Variants in MED28 observed in about 807,000 individuals in gnomAD.
MED28 encodes the protein mediator of RNA polymerase II transcription subunit 28.
A neutral mutation model predicts 21.3 loss-of-function variants in MED28; 26 were observed. The observed-to-expected ratio is 1.22, with a 90% CI of 0.89 to 1.69. MED28 has a LOEUF of 1.69. MED28 is among the 40% of genes most tolerant of loss of function. MED28 has a pLI of 0.00. For missense variants in MED28, 257 were observed against 215.4 expected (o/e 1.19, Z -1.21); for synonymous variants, 110 against 87.6 (o/e 1.26, Z -1.43).
At position 17,631,858 on chromosome 4, in the gene MED28, G is replaced by A. The variant is rs1448746816; in HGVS notation, c.*8060G>A. The stretch of plus-strand genomic sequence containing the variant: ...TTTTACATAGAAACAGCTTTCCAGT[G>A]GAGTTGACTAGCATCCTAAGGACAA... On this transcript the variant is annotated 3_prime_UTR_variant, in exon 4 of 4. Transcript: ENST00000237380. The A allele has an allele frequency of 6.6e-6, 1 of 151,974 alleles. No individual in the cohort carries two copies. The highest frequency in any genetic ancestry group is 1.5e-5 in the Non-Finnish European group (1 of 68,006). 9.4% of individuals were successfully genotyped at this position (151,974 alleles called of 1,614,324 possible).
Position 17,623,871 on chromosome 4 carries a change from T to C in MED28, c.*73T>C. The stretch of plus-strand genomic sequence containing the variant: ...TGGCCACACATTCCTTCCTGTGGAC[T>C]TGACATTTTGGAAGAACTCTTTGCC... On this transcript the variant is annotated 3_prime_UTR_variant, in exon 4 of 4. Transcript: ENST00000237380. 9.4e-6 allele frequency: 14 copies of C among 1,484,902 alleles called. No individual in the cohort carries two copies. The highest frequency in any genetic ancestry group is 1.4e-5 in the African/African-American group (1 of 71,774). 92.0% of individuals were successfully genotyped at this position (1,484,902 alleles called of 1,614,324 possible).
At chr4:17,621,542 C>G (rs771961556) in intron 2 of MED28, 45 bp from the exon 3 acceptor site, 1 of 1,281,768 alleles carries the variant, frequency 7.8e-7, no homozygotes, top group Non-Finnish European at 1.1e-6. Flanking sequence ...ATAAATGAGT[C>G]TGTTGTTTTT....
At chr4:17,619,115 A>G (rs1002855094) in intron 1 of MED28, among the ~76,000 whole-genome samples, 17 of 151,852 alleles carry the variant, frequency 1.1e-4, no homozygotes, top group South Asian at 4.2e-4. Flanking sequence ...TGCCTCCCCA[A>G]TCTCCCTGCC....
At chr4:17,618,207 C>T (rs1714515370) in intron 1 of MED28, among the ~76,000 whole-genome samples, 1 of 151,932 alleles carries the variant, frequency 6.6e-6, no homozygotes, top group South Asian at 2.1e-4. Flanking sequence ...CAGGGTTTCA[C>T]CACGTTGCCC....
At position 17,628,518 on chromosome 4, in the gene MED28, A is replaced by T. The variant is rs1468912640; in HGVS notation, c.*4720A>T. 6.6e-6 allele frequency: 1 copy of T among 152,028 alleles called. No homozygotes were observed. Among genetic ancestry groups the T allele is most frequent in the Non-Finnish European group, 1.5e-5 (1 of 68,022 alleles). The allele number at this position is 152,028 out of a possible 1,614,324, so 9.4% of individuals were successfully genotyped here. On this transcript the variant is annotated 3_prime_UTR_variant, in exon 4 of 4. Transcript: ENST00000237380. Reference sequence around the variant, plus strand: ...AATCCTAAAAGAGGTTCTTTGTGACACCCTCTGTCTGAGAAGTCCTATGGT... The same window carrying T: ...AATCCTAAAAGAGGTTCTTTGTGACTCCCTCTGTCTGAGAAGTCCTATGGT...
Position 17,632,535 on chromosome 4 carries a change from GA to G in MED28, c.*8740del. 1 of 1,549,442 alleles carries G rather than the reference GA, an allele frequency of 6.5e-7. No homozygotes were observed. On this transcript the variant is annotated 3_prime_UTR_variant, in exon 4 of 4. Coordinates refer to ENST00000237380, the MANE Select transcript of MED28 (RefSeq NM_025205.5). ...GTGATGTATCCCAAAGGTTAGCTTAGAAAGAAAAGTACTTGGTGAACCATTC... is the reference window on the plus strand; with the variant it reads ...GTGATGTATCCCAAAGGTTAGCTTAGAAGAAAAGTACTTGGTGAACCATTC...
rs756356088 is a variant in MED28, at chr4:17,623,841, G to C, written c.*43G>C. ...TTGGCCTATGAGTGGGCTGATGCGT[G>C]AGGTTGGCCACACATTCCTTCCTGT... is the stretch of plus-strand genomic sequence containing the variant. On this transcript the variant is annotated 3_prime_UTR_variant, in exon 4 of 4. Coordinates refer to ENST00000237380, the MANE Select transcript of MED28 (RefSeq NM_025205.5). 2 of 1,572,176 alleles carry C rather than the reference G, an allele frequency of 1.3e-6. No individual in the cohort carries two copies.
intron 1 of MED28, among the ~76,000 whole-genome samples, chr4:17,617,780 C>T (rs1047169345): frequency 4.6e-5 from 7 of 151,912 alleles, no homozygotes; most frequent in Non-Finnish European, 1.0e-4. Context: ...TGGTGGCACA[C>T]GCCTTAATCC....
chr4:17,621,877 G>A (rs1714646198), intron 3 of MED28, among the ~76,000 whole-genome samples, 178 bp downstream of exon 3: 1 of 152,194 alleles, frequency 6.6e-6, no homozygotes, highest in Non-Finnish European at 1.5e-5. Flanking sequence ...GTAAAGCCAA[G>A]GAGTGGGGTC....
In MED28 at chr4:17,632,062, T is replaced by A. The variant is rs1714967694; in HGVS notation, c.*8264T>A. On this transcript the variant is annotated 3_prime_UTR_variant, in exon 4 of 4. Transcript: ENST00000237380. ...ATGTCAATTTTTTTTTTTTTTTTTT[T>A]TTTTTTTTTTTTTTTTTTTTTTTTT... is the stretch of plus-strand genomic sequence containing the variant. 1 of 25,292 alleles carries A rather than the reference T, an allele frequency of 4.0e-5. No homozygotes were observed. The highest frequency in any genetic ancestry group is 1.4e-4 in the African/African-American group (1 of 7,106). The allele number at this position is 25,292 out of a possible 1,614,324, so 1.6% of individuals were successfully genotyped here.
At chr4:17,622,799 A>G (rs1328366644) in intron 3 of MED28, among the ~76,000 whole-genome samples, 1 of 152,240 alleles carries the variant, frequency 6.6e-6, no homozygotes, top group Non-Finnish European at 1.5e-5. Context: ...AGGCCTCACA[A>G]TCATGGCAGA....
chr4:17,621,322 TTTAAAGAAGATCTC>T (rs1714623161), intron 2 of MED28, among the ~76,000 whole-genome samples: 1 of 152,170 alleles, frequency 6.6e-6, no homozygotes, highest in Non-Finnish European at 1.5e-5. Context: ...GCATTGTCTT[TTTAAAGAAGATCTC>T]ATGGCTTTTA....
chr4:17,629,043 GC>G lies in MED28; in HGVS notation c.*5247del, dbSNP rs1714850040. On this transcript the variant is annotated 3_prime_UTR_variant, in exon 4 of 4. Coordinates refer to ENST00000237380, the MANE Select transcript of MED28 (RefSeq NM_025205.5). ...CTTTGAGGTCAGGAGTTCATGACCA[GC>G]CTGGCCAACATGGTGAAACCCTGTC... is the stretch of plus-strand genomic sequence containing the variant. 6.6e-6 allele frequency: 1 copy of G among 152,376 alleles called. No homozygotes were observed. Among genetic ancestry groups the G allele is most frequent in the East Asian group, 1.9e-4 (1 of 5,192 alleles). 9.4% of individuals were successfully genotyped at this position (152,376 alleles called of 1,614,324 possible). A position where few individuals can be genotyped will look rare whatever the true frequency, so the allele number is the denominator to read the frequency against.
intron 2 of MED28, 102 bp from the exon 3 acceptor site, chr4:17,621,485 A>G (rs778981563): frequency 3.5e-5 from 26 of 742,438 alleles, no homozygotes; most frequent in Middle Eastern, 3.9e-4. Context: ...TGAGTTGTCT[A>G]TGAGAGGGCT....
intron 1 of MED28, among the ~76,000 whole-genome samples, chr4:17,615,574 G>A (rs1415230817): frequency 3.3e-5 from 5 of 152,206 alleles, no homozygotes; most frequent in African/African-American, 1.2e-4. Flanking sequence ...CACTTTGGGA[G>A]GCCGAGGCTG....
At position 17,629,935 on chromosome 4, in the gene MED28, C is replaced by T. The variant is rs1714875240; in HGVS notation, c.*6137C>T. 1 of 152,148 alleles carries T rather than the reference C, an allele frequency of 6.6e-6. No homozygotes were observed. The highest frequency in any genetic ancestry group is 2.1e-4 in the South Asian group (1 of 4,828). 9.4% of individuals were successfully genotyped at this position (152,148 alleles called of 1,614,324 possible). A position where few individuals can be genotyped will look rare whatever the true frequency, so the allele number is the denominator to read the frequency against. On this transcript the variant is annotated 3_prime_UTR_variant, in exon 4 of 4. Transcript: ENST00000237380. ...GTTTGTGTCCTTAAATGCCTTACTT[C>T]AATACCCAAGGCATATGGCCTCAAT...
intron 1 of MED28, among the ~76,000 whole-genome samples, chr4:17,619,499 T>A (rs1338213587): frequency 6.6e-6 from 1 of 152,064 alleles, no homozygotes; most frequent in Non-Finnish European, 1.5e-5. Flanking sequence ...AGGGGCACAG[T>A]TTAGAAAGGG....
intron 1 of MED28, among the ~76,000 whole-genome samples, chr4:17,617,211 C>T (rs1714477334): frequency 6.6e-6 from 1 of 152,212 alleles, no homozygotes; most frequent in Non-Finnish European, 1.5e-5. Flanking sequence ...AGTCTTGTCT[C>T]ACGATTCAAT....
Position 17,632,328 on chromosome 4 carries a change from G to T in MED28, c.*8530G>T. On this transcript the variant is annotated 3_prime_UTR_variant, in exon 4 of 4. Transcript: ENST00000237380. ...GGACTCAAGCAGTCCATCTGCCTCA[G>T]CCTCCCAAAGTGATGGGATTACAGG... 1 of 383,714 alleles carries T rather than the reference G, an allele frequency of 2.6e-6. No individual in the cohort carries two copies. The highest frequency in any genetic ancestry group is 4.8e-6 in the Non-Finnish European group (1 of 206,924). The allele number at this position is 383,714 out of a possible 1,614,324, so 23.8% of individuals were successfully genotyped here. A position where few individuals can be genotyped will look rare whatever the true frequency, so the allele number is the denominator to read the frequency against.
Sources: allele counts gnomAD v4.1 joint callset (sites outside exome capture counted in the v4.1 genomes callset), GRCh38; gene constraint gnomAD v4.1.1; transcripts MANE v1.5; gene names NCBI Gene and HGNC (gene_info 2026-07-23, HGNC 2026-07-21).